WASHC2C: variants seen among roughly 807,000 people sequenced by gnomAD.
WASHC2C encodes WASH complex subunit 2C.
Under a neutral mutation model 142.2 loss-of-function variants are expected in WASHC2C, and 73 were observed. That is an observed-to-expected ratio of 0.51 (90% CI 0.43 to 0.62). The LOEUF (loss-of-function observed/expected upper bound fraction) is 0.62, where lower values mean the gene tolerates loss of function less well. Among genes scored for constraint, WASHC2C ranks in the 20% least tolerant of loss-of-function variants. The pLI is 0.00. For missense variants in WASHC2C, 969 were observed against 1,531.7 expected (o/e 0.63, Z 6.13); for synonymous variants, 337 against 565.5 (o/e 0.60, Z 5.73).
Position 45,790,418 on chromosome 10 carries a change from A to C in WASHC2C, c.3771A>C (p.Thr1257=), listed in dbSNP as rs1205968162. ...PSQKTREKEK[T]LESNLFDDNI... ...AGAAAACCAGAGAGAAGGAGAAAAC[A>C]TTGGAATCTAATTTATTTGATGATA... Residue 1257 remains threonine, a synonymous_variant, in exon 30 of 31, where the codon ACA becomes ACC. Transcript: ENST00000623400. 18 of 1,611,030 alleles carry C rather than the reference A, an allele frequency of 1.1e-5. No homozygotes were observed. The East Asian group carries it at 4.0e-4, about 36-fold the overall frequency.
chr10:45,763,900 C>T (rs1352751682), intron 18 of WASHC2C, among the ~76,000 whole-genome samples: 16 of 152,110 alleles, frequency 1.1e-4, no homozygotes, highest in South Asian at 2.1e-4. Flanking sequence ...CAGGGTTTCA[C>T]CATGTTGGCC....
At chr10:45,788,834 T>G in intron 28 of WASHC2C, 37 bp from the exon 29 acceptor site, 1 of 1,612,076 alleles carries the variant, frequency 6.2e-7, no homozygotes. Flanking sequence ...CACTTTATTT[T>G]ATCGTCAGAT....
chr10:45,775,994 A>G (rs536615045), intron 21 of WASHC2C, among the ~76,000 whole-genome samples: 8 of 152,122 alleles, frequency 5.3e-5, no homozygotes, highest in African/African-American at 1.9e-4. Flanking sequence ...CTGAATTTTT[A>G]TGTAGTTTTC....
In WASHC2C at chr10:45,789,212, G is replaced by A. The variant is rs1589975737; in HGVS notation, c.3429G>A (p.Gln1143=). 3 of 1,611,950 alleles carry A rather than the reference G, an allele frequency of 1.9e-6. No individual in the cohort carries two copies. The highest frequency in any genetic ancestry group is 2.5e-6 in the Non-Finnish European group (3 of 1,179,884). ...TTTTTTCCACGGGCACTGGATCTCA[G>A]TCCGTGGAGAGAACAAAACCCAAGG... is the stretch of plus-strand genomic sequence containing the variant. ...GDIFSTGTGS[Q]SVERTKPKAK... is the part of the protein sequence containing the mutation. The change falls in exon 29 of 31, where the codon CAG becomes CAA. Residue 1143 remains glutamine (Q), a synonymous_variant. Transcript: ENST00000623400.
At chr10:45,736,027 G>A (rs563797251) in intron 3 of WASHC2C, among the ~76,000 whole-genome samples, 78 of 151,960 alleles carry the variant, frequency 5.1e-4, no homozygotes, top group Non-Finnish European at 1.0e-3. Context: ...CCAGCACTTT[G>A]GGAGGCCAAG....
chr10:45,730,230 C>T (rs1193909693), intron 3 of WASHC2C, among the ~76,000 whole-genome samples: 1 of 120,298 alleles, frequency 8.3e-6, no homozygotes, highest in Non-Finnish European at 1.8e-5. Flanking sequence ...CCTGTAATCC[C>T]AGCTACTTGG....
At chr10:45,736,126 G>C (rs1441503621) in intron 3 of WASHC2C, among the ~76,000 whole-genome samples, 4 of 148,706 alleles carry the variant, frequency 2.7e-5, no homozygotes, top group African/African-American at 9.9e-5. Context: ...AAAAAATGCA[G>C]GCCGGGCATG....
chr10:45,758,570 C>T (rs1554878475), intron 16 of WASHC2C, among the ~76,000 whole-genome samples: 1 of 150,146 alleles, frequency 6.7e-6, no homozygotes, highest in Non-Finnish European at 1.5e-5. Context: ...ATTCATTCTT[C>T]AGTGTAGATG....
intron 29 of WASHC2C, among the ~76,000 whole-genome samples, chr10:45,789,767 ATTG>A (rs1401412531): frequency 2.0e-5 from 3 of 152,168 alleles, no homozygotes; most frequent in Non-Finnish European, 4.4e-5. Context: ...TTTATAGAAT[ATTG>A]TTGTAATCAG....
chr10:45,784,240 A>G (rs112571045), intron 23 of WASHC2C, among the ~76,000 whole-genome samples: 15,283 of 108,518 alleles, frequency 0.14, 1,259 homozygotes, highest in Admixed American at 0.19. Flanking sequence ...ATATATATAT[A>G]TGTGTGTGTG....
chr10:45,735,613 A>G (rs555425269), intron 3 of WASHC2C, among the ~76,000 whole-genome samples: 1 of 152,382 alleles, frequency 6.6e-6, no homozygotes, highest in African/African-American at 2.4e-5. Context: ...TTGGAATTAC[A>G]TAGAATTATA....
rs534768713 is a variant in WASHC2C at position 45,730,241 on chromosome 10, G to A, written c.291+1215G>A. Reference sequence around the variant, plus strand: ...CATGCCTGTAATCCCAGCTACTTGGGAAGGCTGAGGCAGGAGAATCGCTTG... The same window carrying A: ...CATGCCTGTAATCCCAGCTACTTGGAAAGGCTGAGGCAGGAGAATCGCTTG... On this transcript the variant is annotated intron_variant, in intron 3 of 30. Transcript: ENST00000623400. 2.9e-3 allele frequency among the ~76,000 whole-genome samples: 359 copies of A among 125,808 alleles called. 1 individual carries two copies. The highest frequency in any genetic ancestry group is 4.7e-3 in the Non-Finnish European group (279 of 58,752). 82.5% of individuals were successfully genotyped at this position (125,808 alleles called of 152,430 possible). A position where few individuals can be genotyped will look rare whatever the true frequency, so the allele number is the denominator to read the frequency against.
In WASHC2C at chr10:45,757,021, A is replaced by T; in HGVS notation, c.1430A>T (p.Gln477Leu). ...HSKPSKTRKV[Q>L]STADIFGDEE... ...TTGGTATTTTTTACAGGCAAAGTCC[A>T]ATCCACTGCCGATATCTTTGGTGAC... is the stretch of plus-strand genomic sequence containing the variant. Residue 477 changes from glutamine to leucine, a missense_variant, in exon 16 of 31, where the codon CAA (glutamine) becomes CTA (leucine). Gln to Leu is a moderately radical substitution (Grantham distance 113). Transcript: ENST00000623400. The T allele has an allele frequency of 6.2e-7, 1 of 1,600,264 alleles. No homozygotes were observed. The highest frequency in any genetic ancestry group is 8.5e-7 in the Non-Finnish European group (1 of 1,172,836).
chr10:45,754,657 A>T, intron 14 of WASHC2C, 112 bp downstream of exon 14: 4 of 1,083,478 alleles, frequency 3.7e-6, no homozygotes, highest in Non-Finnish European at 5.3e-6. Flanking sequence ...TGGGAGCTTC[A>T]AAGGGCTTTG....
At position 45,792,462 on chromosome 10, in the gene WASHC2C, A is replaced by G. The variant is rs1283685033; in HGVS notation, c.*62A>G. 10 of 1,559,882 alleles carry G rather than the reference A, an allele frequency of 6.4e-6. No homozygotes were observed. Among genetic ancestry groups the G allele is most frequent in the African/African-American group, 5.5e-5 (4 of 72,740 alleles). On this transcript the variant is annotated 3_prime_UTR_variant, in exon 31 of 31. Transcript: ENST00000623400. The stretch of plus-strand genomic sequence containing the variant: ...ATTGTTGAGTTAGTGATGATATTGT[A>G]TATGCTCATGGTCTTAACTGGATTA...
In WASHC2C at chr10:45,792,136, G is replaced by A; in HGVS notation, c.3887-125G>A. On this transcript the variant is annotated intron_variant, in intron 30 of 30. Transcript: ENST00000623400. Reference sequence around the variant, plus strand: ...AGAATCTAAGAGGCTTGAGTTCTAGGTTAGTGTTTTAGGGTACTCCATGCT... The same window carrying A: ...AGAATCTAAGAGGCTTGAGTTCTAGATTAGTGTTTTAGGGTACTCCATGCT... The A allele has an allele frequency of 9.5e-6, 10 of 1,050,136 alleles. 2 individuals carry two copies. The South Asian group carries it at 1.4e-4, about 15-fold the overall frequency. 65.1% of individuals were successfully genotyped at this position (1,050,136 alleles called of 1,614,324 possible). A position where few individuals can be genotyped will look rare whatever the true frequency, so the allele number is the denominator to read the frequency against.
At chr10:45,733,666 G>A (rs1419599857) in intron 3 of WASHC2C, among the ~76,000 whole-genome samples, 1 of 152,194 alleles carries the variant, frequency 6.6e-6, no homozygotes, top group Non-Finnish European at 1.5e-5. Flanking sequence ...AGGTTTCTTA[G>A]ATGTCATGTT....
At chr10:45,748,283 CTTTTTTTTTTTTTT>C (rs1160119861) in intron 8 of WASHC2C, among the ~76,000 whole-genome samples, 12 of 57,168 alleles carry the variant, frequency 2.1e-4, no homozygotes, top group Non-Finnish European at 3.6e-4. Flanking sequence ...TTTTTCTTTC[CTTTTTTTTTTTTTT>C]TTTTTTTTTT....
At chr10:45,790,977 G>C (rs2058361701) in intron 30 of WASHC2C, among the ~76,000 whole-genome samples, 1 of 152,098 alleles carries the variant, frequency 6.6e-6, no homozygotes, top group East Asian at 1.9e-4. Context: ...TCTAGACCTG[G>C]GTGTAGGCTC....
Sources: gnomAD v4.1 joint callset for allele counts (sites outside exome capture counted in the v4.1 genomes callset) on GRCh38, gnomAD v4.1.1 for gene constraint, MANE v1.5 for transcripts, NCBI Gene and HGNC (gene_info 2026-07-23, HGNC 2026-07-21) for gene names.